Variants in FAM3D observed in about 807,000 individuals in gnomAD.
FAM3D encodes FAM3 metabolism regulating signaling molecule D, also known as protein FAM3D.
In FAM3D, 26 loss-of-function variants were observed where a neutral mutation model predicts 29.8. The ratio of observed to expected loss-of-function variants is 0.87; its 90% confidence interval spans 0.64 to 1.21. The LOEUF (loss-of-function observed/expected upper bound fraction) is 1.21, where lower values mean the gene tolerates loss of function less well. Ranked by LOEUF, FAM3D falls within the 50% of genes most tolerant of loss-of-function variation. FAM3D has a pLI of 0.00. For missense variants in FAM3D, 253 were observed against 290.9 expected (o/e 0.87, Z 0.95); for synonymous variants, 115 against 102.3 (o/e 1.12, Z -0.75).
chr3:58,659,465 C>T (rs1438358291), intron 1 of FAM3D, among the ~76,000 whole-genome samples: 2 of 152,258 alleles, frequency 1.3e-5, no homozygotes, highest in African/African-American at 4.8e-5. Flanking sequence ...GATGCTGTCT[C>T]TCCAGGCTGA....
At chr3:58,646,799 C>T (rs1308849652) in intron 4 of FAM3D, among the ~76,000 whole-genome samples, 1 of 152,202 alleles carries the variant, frequency 6.6e-6, no homozygotes, top group African/African-American at 2.4e-5. Context: ...TGTTTATTAT[C>T]TTATTGACTC....
chr3:58,651,525 C>T (rs1274074200), intron 3 of FAM3D, among the ~76,000 whole-genome samples: 2 of 152,160 alleles, frequency 1.3e-5, no homozygotes, highest in African/African-American at 4.8e-5. Context: ...TGACTCAGAC[C>T]ATGAGCAGGG....
chr3:58,659,622 C>G (rs556052212), intron 1 of FAM3D, among the ~76,000 whole-genome samples: 2 of 152,342 alleles, frequency 1.3e-5, no homozygotes, highest in Non-Finnish European at 2.9e-5. Context: ...GCCAGCTTCC[C>G]CTCCAGGGAG....
intron 5 of FAM3D, among the ~76,000 whole-genome samples, 195 bp from the exon 6 acceptor site, chr3:58,643,915 C>A (rs2066405888): frequency 6.6e-6 from 1 of 152,208 alleles, no homozygotes; most frequent in Admixed American, 6.5e-5. Flanking sequence ...TTTCTCAAGG[C>A]ATGTTGGACC....
intron 1 of FAM3D, among the ~76,000 whole-genome samples, chr3:58,661,008 T>C (rs898723002): frequency 6.6e-6 from 1 of 152,196 alleles, no homozygotes; most frequent in African/African-American, 2.4e-5. Context: ...AAGGATCACA[T>C]AGTAAATATT....
chr3:58,645,474 A>AATAAT (rs2066449046), intron 5 of FAM3D, 35 bp downstream of exon 5: 1 of 1,443,528 alleles, frequency 6.9e-7, no homozygotes, highest in Admixed American at 2.5e-5. Flanking sequence ...AATAAAATAA[A>AATAAT]ATAAAATAAA....
intron 1 of FAM3D, among the ~76,000 whole-genome samples, chr3:58,658,235 C>T (rs1010048333): frequency 6.6e-6 from 1 of 152,282 alleles, no homozygotes; most frequent in Admixed American, 6.5e-5. Flanking sequence ...GGATGCGGGG[C>T]ATTGAGGAAG....
intron 2 of FAM3D, among the ~76,000 whole-genome samples, chr3:58,654,276 G>T (rs2066726130): frequency 6.6e-6 from 1 of 152,228 alleles, no homozygotes. Context: ...TTCAGGCACA[G>T]AGCAGACCTG....
chr3:58,637,298 C>T (rs1420229458), intron 7 of FAM3D, 73 bp from the exon 8 acceptor site: 1 of 1,381,988 alleles, frequency 7.2e-7, no homozygotes, highest in Non-Finnish European at 1.0e-6. Context: ...TTGTCTACTG[C>T]CCCATGATGC....
chr3:58,637,324 C>CTGACT, intron 7 of FAM3D, 99 bp from the exon 8 acceptor site: 1 of 1,090,792 alleles, frequency 9.2e-7, no homozygotes, highest in Non-Finnish European at 1.3e-6. Flanking sequence ...TCAGCTAGGC[C>CTGACT]CGGTGGACAC....
rs553451329 is a variant in FAM3D at position 58,640,089 on chromosome 3, C to A, written c.373+38G>T. 6 of 1,611,356 alleles carry A rather than the reference C, an allele frequency of 3.7e-6. No homozygotes were observed. In the East Asian group the frequency reaches 6.7e-5, roughly 18 times the overall value. ...AAGAGGCTCAGCCCTCTGCACCGCA[C>A]CCCCGACTGTGACTTCAGTGTCAGC... On this transcript the variant is annotated intron_variant, in intron 7 of 9. Transcript: ENST00000358781.
intron 4 of FAM3D, 54 bp from the exon 5 acceptor site, chr3:58,645,680 G>T: frequency 6.7e-7 from 1 of 1,483,122 alleles, no homozygotes; most frequent in Non-Finnish European, 9.4e-7. Flanking sequence ...GGTACTTGGG[G>T]GAGAAGGAGG....
Position 58,643,694 on chromosome 3 carries a change from A to G in FAM3D, c.290T>C (p.Val97Ala), listed in dbSNP as rs750022478. The G allele has an allele frequency of 1.2e-6, 2 of 1,613,916 alleles. No individual in the cohort carries two copies. The highest frequency in any genetic ancestry group is 2.2e-5 in the South Asian group (2 of 91,060). Residue 97 changes from valine (V) to alanine (A), a missense_variant, in exon 6 of 10, where the codon GTG (valine) becomes GCG (alanine). Transcript: ENST00000358781. The stretch of plus-strand genomic sequence containing the variant: ...CAGGGCGATGTTTAGGCCTCTGCCC[A>G]CATTGTTTTTCACAGGACTCATGAT... Reference protein sequence around the residue: ...RMIMSPVKNNVGRGLNIALVN... With the variant: ...RMIMSPVKNNAGRGLNIALVN...
At chr3:58,661,389 C>G (rs2066926118) in intron 1 of FAM3D, among the ~76,000 whole-genome samples, 2 of 152,306 alleles carry the variant, frequency 1.3e-5, no homozygotes, top group South Asian at 4.1e-4. Context: ...CGGGGGGTGG[C>G]TCCATGAGCT....
intron 6 of FAM3D, 40 bp downstream of exon 6, chr3:58,643,622 T>C (rs566180678): frequency 1.9e-6 from 3 of 1,599,462 alleles, no homozygotes; most frequent in Admixed American, 3.3e-5. Context: ...CCCTCCCTGG[T>C]TCTGGGTGGG....
In FAM3D at chr3:58,645,528, T is replaced by C. The variant is rs771080138; in HGVS notation, c.244A>G (p.Met82Val). 1 of 1,614,044 alleles carries C rather than the reference T, an allele frequency of 6.2e-7. No homozygotes were observed. The highest frequency in any genetic ancestry group is 1.3e-5 in the African/African-American group (1 of 75,070). The change falls in exon 5 of 10, where the codon ATG becomes GTG. Residue 82 changes from methionine to valine, a missense_variant. Met to Val is a conservative substitution (Grantham distance 21). Transcript: ENST00000358781. ...SGAANVVGPT[M>V]CFEDRMIMSP... Reference sequence around the variant, plus strand: ...ACTTACATGCGGTCTTCAAAGCACATAGTAGGGCCCACGACGTTGGCGGCC... The same window carrying C: ...ACTTACATGCGGTCTTCAAAGCACACAGTAGGGCCCACGACGTTGGCGGCC...
At position 58,634,033 on chromosome 3, in the gene FAM3D, A is replaced by G; in HGVS notation, c.*246T>C. The G allele has an allele frequency of 2.1e-6, 1 of 474,398 alleles. No homozygotes were observed. The allele number at this position is 474,398 out of a possible 1,614,324, so 29.4% of individuals were successfully genotyped here. ...GACCAGCCGTCAGCAGTCCCTGACG[A>G]AAGCACCCCATTCTCTCCACAGACA... is the stretch of plus-strand genomic sequence containing the variant. On this transcript the variant is annotated 3_prime_UTR_variant, in exon 10 of 10. Transcript: ENST00000358781. The surrounding 1 kb of genome is among the most constrained non-coding windows in gnomAD (Gnocchi z 4.6).
At chr3:58,662,150 G>A (rs573205276) in intron 1 of FAM3D, among the ~76,000 whole-genome samples, 7 of 121,128 alleles carry the variant, frequency 5.8e-5, no homozygotes, top group South Asian at 6.0e-4. Flanking sequence ...GGGGCTGGGT[G>A]GAGTATCTGG....
At chr3:58,659,732 G>A (rs746818285) in intron 1 of FAM3D, among the ~76,000 whole-genome samples, 1 of 152,184 alleles carries the variant, frequency 6.6e-6, no homozygotes. Context: ...GTGGGTTTCC[G>A]TTTGGGAAAG....
Sources: gnomAD v4.1 joint callset for allele counts (sites outside exome capture counted in the v4.1 genomes callset) on GRCh38, gnomAD v4.1.1 for gene constraint, Gnocchi (gnomAD v3.1) non-coding constraint, MANE v1.5 for transcripts, NCBI Gene and HGNC (gene_info 2026-07-23, HGNC 2026-07-21) for gene names.